MFHAS1: variants seen among roughly 807,000 people sequenced by gnomAD.
The protein encoded by MFHAS1 is malignant fibrous histiocytoma-amplified sequence 1.
Under a neutral mutation model 70.4 loss-of-function variants are expected in MFHAS1, and 50 were observed. That is an observed-to-expected ratio of 0.71 (90% CI 0.57 to 0.90). The LOEUF is 0.90. Among genes scored for constraint, MFHAS1 ranks in the 40% least tolerant of loss-of-function variants. MFHAS1 has a pLI of 0.00. For missense variants in MFHAS1, 1,795 were observed against 1,347.6 expected (o/e 1.33, Z -5.20); for synonymous variants, 952 against 620.0 (o/e 1.54, Z -7.96).
At chr8:8,886,431 G>C (rs1168381409) in intron 1 of MFHAS1, among the ~76,000 whole-genome samples, 1 of 151,944 alleles carries the variant, frequency 6.6e-6, no homozygotes, top group African/African-American at 2.4e-5. Context: ...GCCTCCCAAA[G>C]CAAAGGGATT....
chr8:8,870,642 C>T (rs1186224717), intron 1 of MFHAS1, among the ~76,000 whole-genome samples: 1 of 150,384 alleles, frequency 6.6e-6, no homozygotes, highest in African/African-American at 2.5e-5. Flanking sequence ...CTAACCACCC[C>T]ACACACACAC....
intron 1 of MFHAS1, among the ~76,000 whole-genome samples, chr8:8,886,187 C>CTT (rs539238869): frequency 6.9e-6 from 1 of 144,280 alleles, no homozygotes; most frequent in Non-Finnish European, 1.5e-5. Flanking sequence ...CCAATCATTT[C>CTT]TTTTTTTTTT....
intron 1 of MFHAS1, among the ~76,000 whole-genome samples, chr8:8,824,325 C>T (rs556127945): frequency 3.3e-5 from 5 of 152,044 alleles, no homozygotes; most frequent in Non-Finnish European, 7.4e-5. Context: ...GACTGCCTCC[C>T]TCCAAGCACA....
intron 1 of MFHAS1, among the ~76,000 whole-genome samples, chr8:8,816,072 G>C (rs1315905773): frequency 1.3e-5 from 2 of 152,126 alleles, no homozygotes; most frequent in African/African-American, 4.8e-5. Flanking sequence ...GTGCATAGTG[G>C]ATGAGTCCAT....
In MFHAS1 at chr8:8,892,591, A is replaced by T; in HGVS notation, c.468T>A (p.Ala156=). Residue 156 remains alanine (A), a synonymous_variant, in exon 1 of 3, where the codon GCT becomes GCA. Coordinates refer to ENST00000276282, the MANE Select transcript of MFHAS1 (RefSeq NM_004225.3). This position sits in a 1 kb window ranked among gnomAD's most constrained non-coding sequence, Gnocchi z 4.7. ...QLPALPAQLG[A]LAHLEELDVS... is the part of the protein sequence containing the mutation. ...CATCCAGCTCCTCCAGGTGAGCGAG[A>T]GCGCCCAGCTGGGCGGGCAGGGCGG... 1 of 1,607,828 alleles carries T rather than the reference A, an allele frequency of 6.2e-7. No individual in the cohort carries two copies.
intron 1 of MFHAS1, among the ~76,000 whole-genome samples, chr8:8,879,886 CCAT>C (rs1395038100): frequency 1.3e-5 from 2 of 152,182 alleles, no homozygotes; most frequent in Non-Finnish European, 2.9e-5. Flanking sequence ...ATCACTGCCA[CCAT>C]CACCACCCGC....
At chr8:8,803,516 C>CAAA (rs34602481) in intron 1 of MFHAS1, among the ~76,000 whole-genome samples, 2 of 125,656 alleles carry the variant, frequency 1.6e-5, no homozygotes, top group African/African-American at 3.2e-5. Context: ...GACCCTGTCT[C>CAAA]AAAAAAAAAA....
rs866682245 is a variant in MFHAS1 at position 8,891,209 on chromosome 8, C to G, written c.1850G>C (p.Arg617Pro). 6.2e-7 allele frequency: 1 copy of G among 1,612,780 alleles called. No homozygotes were observed. The highest frequency in any genetic ancestry group is 8.5e-7 in the Non-Finnish European group (1 of 1,180,028). Residue 617 changes from arginine (R) to proline (P), a missense_variant, in exon 1 of 3, where the codon CGG becomes CCG. Physicochemically the swap from Arg to Pro is moderately radical, Grantham distance 103 (BLOSUM62 -2). Transcript: ENST00000276282. This position sits in a 1 kb window ranked among gnomAD's most constrained non-coding sequence, Gnocchi z 5.4. Reference protein sequence around the residue: ...KAHFQYLLNHRLQILSPVLPV... With the variant: ...KAHFQYLLNHPLQILSPVLPV... ...CAACACGGGGGAGAGGATCTGCAGC[C>G]GGTGGTTGAGCAGGTATTGAAAATG...
intron 1 of MFHAS1, among the ~76,000 whole-genome samples, chr8:8,882,227 A>C (rs1275180343): frequency 1.3e-5 from 2 of 152,070 alleles, no homozygotes; most frequent in South Asian, 2.1e-4. Flanking sequence ...ACTAAAAAAA[A>C]ACACACACAA....
intron 1 of MFHAS1, among the ~76,000 whole-genome samples, chr8:8,806,501 C>A (rs538842521): frequency 6.6e-6 from 1 of 152,290 alleles, no homozygotes; most frequent in East Asian, 1.9e-4. Flanking sequence ...AAAGACAGAA[C>A]AATAGCAAAG....
intron 1 of MFHAS1, among the ~76,000 whole-genome samples, chr8:8,870,700 G>C (rs1225908677): frequency 6.6e-6 from 1 of 152,018 alleles, no homozygotes; most frequent in African/African-American, 2.4e-5. Flanking sequence ...CGAGCCCCTG[G>C]AGATCTTTTT....
chr8:8,832,564 T>G, intron 1 of MFHAS1, among the ~76,000 whole-genome samples: 1 of 150,974 alleles, frequency 6.6e-6, no homozygotes, highest in East Asian at 1.9e-4. Context: ...CTAGAATGCC[T>G]GCAATTAAAA....
chr8:8,824,060 G>T (rs1157565649), intron 1 of MFHAS1, among the ~76,000 whole-genome samples: 1 of 150,532 alleles, frequency 6.6e-6, no homozygotes, highest in South Asian at 2.2e-4. Flanking sequence ...TTCCCCCTAG[G>T]AGCTCAGGCT....
intron 1 of MFHAS1, among the ~76,000 whole-genome samples, chr8:8,813,804 C>G (rs1464862132): frequency 6.6e-6 from 1 of 152,086 alleles, no homozygotes; most frequent in African/African-American, 2.4e-5. Flanking sequence ...CCTAAATGTA[C>G]AGTGTTGAAG....
chr8:8,791,125 G>GTTTTT (rs34714915), intron 2 of MFHAS1, among the ~76,000 whole-genome samples: 6 of 132,644 alleles, frequency 4.5e-5, no homozygotes, highest in African/African-American at 1.4e-4. Flanking sequence ...CACCCCACCC[G>GTTTTT]TTTTTTTTTT....
intron 1 of MFHAS1, among the ~76,000 whole-genome samples, chr8:8,864,703 C>G (rs1304128667): frequency 1.3e-5 from 2 of 152,126 alleles, no homozygotes; most frequent in Non-Finnish European, 2.9e-5. Flanking sequence ...ACTGAATTTT[C>G]CAGTTGCATG....
intron 1 of MFHAS1, among the ~76,000 whole-genome samples, chr8:8,884,217 C>A (rs988346890): frequency 1.9e-4 from 29 of 152,108 alleles, no homozygotes; most frequent in Admixed American, 1.8e-3. Flanking sequence ...ACTCCAAAGG[C>A]CTTTCTAGCC....
At chr8:8,830,197 G>T (rs1222732964) in intron 1 of MFHAS1, among the ~76,000 whole-genome samples, 1 of 152,150 alleles carries the variant, frequency 6.6e-6, no homozygotes, top group Non-Finnish European at 1.5e-5. Context: ...GAGAAAGCAT[G>T]GCTTCGAGTT....
intron 1 of MFHAS1, among the ~76,000 whole-genome samples, chr8:8,809,808 T>C (rs954818155): frequency 6.6e-6 from 1 of 152,194 alleles, no homozygotes; most frequent in African/African-American, 2.4e-5. Context: ...AGTGCTGCAC[T>C]GAAGTGCTTT....
Sources: allele counts gnomAD v4.1 joint callset (sites outside exome capture counted in the v4.1 genomes callset), GRCh38; gene constraint gnomAD v4.1.1; non-coding constraint Gnocchi (gnomAD v3.1); transcripts MANE v1.5; gene names NCBI Gene and HGNC (gene_info 2026-07-23, HGNC 2026-07-21).